Variants in ACOX3 observed in about 807,000 individuals in gnomAD.
The protein encoded by ACOX3 is acyl-CoA oxidase 3, pristanoyl.
ACOX3 carries 73 observed loss-of-function variants against 81.5 expected under a neutral mutation model. That is an observed-to-expected ratio of 0.90 (90% confidence interval 0.74 to 1.09). ACOX3 has a LOEUF of 1.09. Ranked by LOEUF, ACOX3 falls within the 50% of genes least tolerant of loss-of-function variation. The probability of loss-of-function intolerance (pLI) is 0.00; values close to 1 mark genes in which losing one functional copy is unlikely to be tolerated. For synonymous variants in ACOX3, 387 were observed against 375.1 expected (o/e 1.03, Z -0.37); for missense variants, 947 against 928.0 (o/e 1.02, Z -0.27).
chr4:8,390,155 T>G (rs112961877), intron 11 of ACOX3, among the ~76,000 whole-genome samples: 1 of 142,524 alleles, frequency 7.0e-6, no homozygotes, highest in African/African-American at 2.8e-5. Context: ...CTGGGCAACA[T>G]AGTGAGACCC....
chr4:8,432,039 C>A lies in ACOX3; in HGVS notation c.-15+8609G>T, dbSNP rs969225624. 6.6e-6 allele frequency among the ~76,000 whole-genome samples: 1 copy of A among 152,152 alleles called. No homozygotes were observed. Among genetic ancestry groups the A allele is most frequent in the African/African-American group, 2.4e-5 (1 of 41,426 alleles). ...GGGAATGGGTTCTGATGATTCGGCA[C>A]CAAGAATGATCCATCACAGCTCAGC... is the stretch of plus-strand genomic sequence containing the variant. On this transcript the variant is annotated intron_variant, in intron 1 of 17. Transcript: ENST00000356406. This position sits in a 1 kb window ranked among gnomAD's most constrained non-coding sequence, Gnocchi z 6.2.
At chr4:8,436,906 T>C (rs1724271627) in intron 1 of ACOX3, among the ~76,000 whole-genome samples, 1 of 147,166 alleles carries the variant, frequency 6.8e-6, no homozygotes, top group East Asian at 2.0e-4. Context: ...GCAGGAGAAT[T>C]GTGTGAACCT....
intron 1 of ACOX3, among the ~76,000 whole-genome samples, chr4:8,422,814 TG>T (rs1484649588): frequency 6.6e-6 from 1 of 152,200 alleles, no homozygotes; most frequent in Non-Finnish European, 1.5e-5. Context: ...GCAAATCAAA[TG>T]CCTGATAGGG....
chr4:8,385,298 C>T lies in ACOX3; in HGVS notation c.1538-3691G>A, dbSNP rs558525562. Among the ~76,000 whole-genome samples the T allele has an allele frequency of 6.6e-6, 1 of 152,052 alleles. No homozygotes were observed. Among genetic ancestry groups the T allele is most frequent in the Non-Finnish European group, 1.5e-5 (1 of 67,994 alleles). ...ACTCCACGTGACCTCACCGCTCCCC[C>T]ACGTGACTCCACCGCTCACCTGTGA... On this transcript the variant is annotated intron_variant, in intron 13 of 17. Transcript: ENST00000356406. The surrounding 1 kb of genome is among the most constrained non-coding windows in gnomAD (Gnocchi z 5.5).
rs1262446551 is a variant in ACOX3 at position 8,399,076 on chromosome 4, C to T, written c.873+480G>A. Among the ~76,000 whole-genome samples, 1 of 152,104 alleles carries T rather than the reference C, an allele frequency of 6.6e-6. No individual in the cohort carries two copies. Among genetic ancestry groups the T allele is most frequent in the Non-Finnish European group, 1.5e-5 (1 of 68,020 alleles). ...TTCCAAGGGTGCATGCTCGGGGTGG[C>T]CCACCTGCTGTGAGCTCATGATTCC... On this transcript the variant is annotated intron_variant, in intron 8 of 17. Coordinates refer to ENST00000356406, the MANE Select transcript of ACOX3 (RefSeq NM_003501.3). This position sits in a 1 kb window ranked among gnomAD's most constrained non-coding sequence, Gnocchi z 4.9.
chr4:8,400,630 G>A lies in ACOX3; in HGVS notation c.777-978C>T, dbSNP rs1488845189. ...GAAAACCTATTACACAACAGTCTAG[G>A]GAATAAGGCTATGCTAGGTTAAGAA... is the stretch of plus-strand genomic sequence containing the variant. On this transcript the variant is annotated intron_variant, in intron 7 of 17. Coordinates refer to ENST00000356406, the MANE Select transcript of ACOX3 (RefSeq NM_003501.3). This position sits in a 1 kb window ranked among gnomAD's most constrained non-coding sequence, Gnocchi z 4.4. 6.6e-6 allele frequency among the ~76,000 whole-genome samples: 1 copy of A among 152,116 alleles called. No homozygotes were observed. Among genetic ancestry groups the A allele is most frequent in the African/African-American group, 2.4e-5 (1 of 41,390 alleles).
rs1026473529 is a variant in ACOX3 at position 8,386,496 on chromosome 4, G to A, written c.1537+2677C>T. 1.3e-5 allele frequency among the ~76,000 whole-genome samples: 2 copies of A among 151,310 alleles called. No homozygotes were observed. The highest frequency in any genetic ancestry group is 4.9e-5 in the African/African-American group (2 of 41,088). On this transcript the variant is annotated intron_variant, in intron 13 of 17. Transcript: ENST00000356406. The surrounding 1 kb of genome is among the most constrained non-coding windows in gnomAD (Gnocchi z 5.2). ...CAGGAGAATGGCGAGAACCTGGGAGGTGGAGCTTGCAGTGAGCCGAGATCA... is the reference window on the plus strand; with the variant it reads ...CAGGAGAATGGCGAGAACCTGGGAGATGGAGCTTGCAGTGAGCCGAGATCA...
intron 5 of ACOX3, among the ~76,000 whole-genome samples, chr4:8,413,844 G>C (rs58141973): frequency 2.6e-5 from 4 of 152,238 alleles, no homozygotes; most frequent in Non-Finnish European, 5.9e-5. Context: ...GTCAGACTGC[G>C]GTGGCGGAAA....
At chr4:8,422,041 C>T (rs1045663879) in intron 1 of ACOX3, among the ~76,000 whole-genome samples, 4 of 152,114 alleles carry the variant, frequency 2.6e-5, no homozygotes, top group South Asian at 4.1e-4. Context: ...TAAAGGGAGG[C>T]GCATATTCCT....
chr4:8,430,932 C>A lies in ACOX3; in HGVS notation c.-15+9716G>T, dbSNP rs1723917184. Among the ~76,000 whole-genome samples the A allele has an allele frequency of 6.6e-6, 1 of 152,036 alleles. No individual in the cohort carries two copies. The highest frequency in any genetic ancestry group is 1.5e-5 in the Non-Finnish European group (1 of 68,008). The stretch of plus-strand genomic sequence containing the variant: ...TGCAGGAGTGAGAGGGAGAGGGAAG[C>A]CATTTCTAGGTAGACATTGGAAGGC... On this transcript the variant is annotated intron_variant, in intron 1 of 17. Coordinates refer to ENST00000356406, the MANE Select transcript of ACOX3 (RefSeq NM_003501.3). This position sits in a 1 kb window ranked among gnomAD's most constrained non-coding sequence, Gnocchi z 5.2.
In ACOX3 at chr4:8,394,835, C is replaced by T. The variant is rs182614006; in HGVS notation, c.1057-93G>A. 59 of 1,488,124 alleles carry T rather than the reference C, an allele frequency of 4.0e-5. No individual in the cohort carries two copies. Among genetic ancestry groups the T allele is most frequent in the African/African-American group, 3.2e-4 (23 of 71,716 alleles). 92.2% of individuals were successfully genotyped at this position (1,488,124 alleles called of 1,614,324 possible). A position where few individuals can be genotyped will look rare whatever the true frequency, so the allele number is the denominator to read the frequency against. ...CATGAAAGCCAGTGCAGGGAGAGGC[C>T]GTCAGGGCCACACACCCACTAGCGC... On this transcript the variant is annotated intron_variant, in intron 9 of 17. Coordinates refer to ENST00000356406, the MANE Select transcript of ACOX3 (RefSeq NM_003501.3). The surrounding 1 kb of genome is among the most constrained non-coding windows in gnomAD (Gnocchi z 5.9).
Position 8,394,492 on chromosome 4 carries a change from C to T in ACOX3, c.1179+128G>A. On this transcript the variant is annotated intron_variant, in intron 10 of 17. Coordinates refer to ENST00000356406, the MANE Select transcript of ACOX3 (RefSeq NM_003501.3). This position sits in a 1 kb window ranked among gnomAD's most constrained non-coding sequence, Gnocchi z 5.9. ...GCCAAGAGCTCCGAGTGGGTGGGAA[C>T]AACTGGAGGAATGCTCTGTCCTCGC... The T allele has an allele frequency of 7.1e-7, 1 of 1,407,970 alleles. No homozygotes were observed. The highest frequency in any genetic ancestry group is 9.4e-7 in the Non-Finnish European group (1 of 1,059,164). The allele number at this position is 1,407,970 out of a possible 1,614,324, so 87.2% of individuals were successfully genotyped here. A position where few individuals can be genotyped will look rare whatever the true frequency, so the allele number is the denominator to read the frequency against.
At position 8,366,933 on chromosome 4, in the gene ACOX3, A is replaced by G; in HGVS notation, c.*28T>C. 6.2e-7 allele frequency: 1 copy of G among 1,612,110 alleles called. No individual in the cohort carries two copies. Among genetic ancestry groups the G allele is most frequent in the Non-Finnish European group, 8.5e-7 (1 of 1,178,696 alleles). On this transcript the variant is annotated 3_prime_UTR_variant, in exon 18 of 18. Transcript: ENST00000356406. ...TCTGATTAGTTCCCTTCGTTTCATT[A>G]GACTTGGCTGAATGTGTGCCAGTCC...
rs756782864 is a variant in ACOX3, at chr4:8,373,586, C to T, written c.1871G>A (p.Ser624Asn). ...SGEQAGEVLE[S>N]AVLALCSQLK... ...CTGGGAACACAAAGCCAGGACGGCG[C>T]TCTCCAACACTTCTCCCGCCTGCTC... The change falls in exon 16 of 18, where the codon AGC becomes AAC. Residue 624 changes from serine to asparagine, a missense_variant. Coordinates refer to ENST00000356406, the MANE Select transcript of ACOX3 (RefSeq NM_003501.3). 8 of 1,613,872 alleles carry T rather than the reference C, an allele frequency of 5.0e-6. No individual in the cohort carries two copies. In the South Asian group the frequency reaches 8.8e-5, roughly 18 times the overall value.
At position 8,389,358 on chromosome 4, in the gene ACOX3, A is replaced by G; in HGVS notation, c.1424-72T>C. 3 of 1,461,800 alleles carry G rather than the reference A, an allele frequency of 2.1e-6. No homozygotes were observed. The highest frequency in any genetic ancestry group is 2.8e-6 in the Non-Finnish European group (3 of 1,065,934). The allele number at this position is 1,461,800 out of a possible 1,614,324, so 90.6% of individuals were successfully genotyped here. A position where few individuals can be genotyped will look rare whatever the true frequency, so the allele number is the denominator to read the frequency against. ...CCATTGGGAACCCCAAGCTGGGGGC[A>G]CCCCAAAGCACAGAGAGTGTCCAGA... On this transcript the variant is annotated intron_variant, in intron 12 of 17. Transcript: ENST00000356406. This position sits in a 1 kb window ranked among gnomAD's most constrained non-coding sequence, Gnocchi z 5.3.
intron 1 of ACOX3, among the ~76,000 whole-genome samples, chr4:8,434,239 T>G (rs1008130422): frequency 1.3e-5 from 2 of 152,258 alleles, no homozygotes; most frequent in African/African-American, 4.8e-5. Context: ...CTTAAAGTTG[T>G]AAGCCTTTAA....
At chr4:8,377,602 A>G (rs1717137263) in intron 14 of ACOX3, among the ~76,000 whole-genome samples, 1 of 152,214 alleles carries the variant, frequency 6.6e-6, no homozygotes. Context: ...ACGGCATCTC[A>G]GTCCCCAGGA....
At chr4:8,408,253 G>A (rs1721237784) in intron 6 of ACOX3, among the ~76,000 whole-genome samples, 1 of 140,254 alleles carries the variant, frequency 7.1e-6, no homozygotes, top group African/African-American at 2.5e-5. Flanking sequence ...TTCAGACACT[G>A]TCTCACAAAA....
At position 8,400,671 on chromosome 4, in the gene ACOX3, G is replaced by A. The variant is rs1189565240; in HGVS notation, c.777-1019C>T. Among the ~76,000 whole-genome samples the A allele has an allele frequency of 6.6e-6, 1 of 152,096 alleles. No individual in the cohort carries two copies. Among genetic ancestry groups the A allele is most frequent in the East Asian group, 1.9e-4 (1 of 5,190 alleles). ...AGGTTAAGAATATTACATAAACTGT[G>A]CAAAAACCCCCCAAAACAAACTTCA... On this transcript the variant is annotated intron_variant, in intron 7 of 17. Transcript: ENST00000356406. This position sits in a 1 kb window ranked among gnomAD's most constrained non-coding sequence, Gnocchi z 4.4.
Sources: allele counts gnomAD v4.1 joint callset (sites outside exome capture counted in the v4.1 genomes callset), GRCh38; gene constraint gnomAD v4.1.1; non-coding constraint Gnocchi (gnomAD v3.1); transcripts MANE v1.5; gene names NCBI Gene and HGNC (gene_info 2026-07-23, HGNC 2026-07-21).